The following HERC1 variants were observed in gnomAD, a reference collection of about 807,000 sequenced individuals.
HERC1 encodes HECT and RLD domain containing E3 ubiquitin protein ligase family member 1, also known as probable E3 ubiquitin-protein ligase HERC1.
In HERC1, 160 loss-of-function variants were observed where a neutral mutation model predicts 554.3. That is an observed-to-expected ratio of 0.29 (90% CI 0.25 to 0.33). The LOEUF (loss-of-function observed/expected upper bound fraction) is 0.33, where lower values mean the gene tolerates loss of function less well. HERC1 is among the 10% of genes least tolerant of loss of function. The pLI, the probability that HERC1 is intolerant of heterozygous loss-of-function variation, is 1.00. For synonymous variants in HERC1, 2,175 were observed against 2,131.7 expected, an observed-to-expected ratio of 1.02 and a Z score of -0.56; for missense variants, 4,919 against 5,918.5, an observed-to-expected ratio of 0.83 and a Z score of 5.54.
intron 34 of HERC1, among the ~76,000 whole-genome samples, chr15:63,685,374 C>T (rs557036461): frequency 1.3e-5 from 2 of 152,344 alleles, no homozygotes; most frequent in African/African-American, 4.8e-5. Flanking sequence ...GTTCTGATTA[C>T]AGGTGCCCTA....
At chr15:63,827,698 A>G (rs1001757117) in intron 1 of HERC1, among the ~76,000 whole-genome samples, 6 of 152,348 alleles carry the variant, frequency 3.9e-5, no homozygotes, top group African/African-American at 1.4e-4. Context: ...ACATGAATGT[A>G]CAAAACAGCA....
At chr15:63,760,971 C>G (rs2075592030) in intron 3 of HERC1, among the ~76,000 whole-genome samples, 3 of 151,982 alleles carry the variant, frequency 2.0e-5, no homozygotes, top group Admixed American at 6.6e-5. Context: ...AATCAGATTA[C>G]CTTTGGACTT....
chr15:63,777,341 C>T (rs2076145876), intron 1 of HERC1, among the ~76,000 whole-genome samples: 2 of 152,186 alleles, frequency 1.3e-5, no homozygotes, highest in Non-Finnish European at 2.9e-5. Context: ...GATCCTCCAT[C>T]CCACCCTGAC....
rs1198291384 is a variant in HERC1, at chr15:63,713,407, CCTT to C, written c.4406_4408del (p.Glu1469del). The C allele has an allele frequency of 4.3e-6, 7 of 1,614,014 alleles. No homozygotes were observed. The highest frequency in any genetic ancestry group is 2.2e-5 in the East Asian group (1 of 44,884). On this transcript the variant is annotated inframe_deletion, in exon 23 of 78. Transcript: ENST00000443617. Reference sequence around the variant, plus strand: ...ACTTGTTGAAGGTTGCTGCAACTGTCCTTCTTCTCTTCGCTTCTGAAGCTCATC... The same window carrying C: ...ACTTGTTGAAGGTTGCTGCAACTGTCCTTCTCTTCGCTTCTGAAGCTCATC...
In HERC1 at chr15:63,669,600, A is replaced by C. The variant is rs753297795; in HGVS notation, c.8144T>G (p.Val2715Gly). The C allele has an allele frequency of 6.8e-6, 11 of 1,613,748 alleles. No individual in the cohort carries two copies. The East Asian group carries it at 2.5e-4, about 36-fold the overall frequency. ...AGAAGTTAAACTTTGCCTCCTTCCT[A>C]CTTCATCAGAAGGAGAGGTTGGTAA... ...SSLPTSPSDEVGRRQSLTSPD... is the reference protein window; with the variant it reads ...SSLPTSPSDEGGRRQSLTSPD... Residue 2715 changes from valine to glycine, a missense_variant, in exon 40 of 78, where the codon GTA (valine) becomes GGA (glycine). Val to Gly is a moderately radical substitution (Grantham distance 109). This residue lies in a region of HERC1 where 1,963 missense variants were observed against 2,228.6 expected (regional missense o/e 0.88). Coordinates refer to ENST00000443617, the MANE Select transcript of HERC1 (RefSeq NM_003922.4).
intron 1 of HERC1, among the ~76,000 whole-genome samples, chr15:63,792,859 T>C (rs1229303046): frequency 6.6e-6 from 1 of 152,198 alleles, no homozygotes; most frequent in African/African-American, 2.4e-5. Context: ...CCACTTCTGA[T>C]TCCAATCGCA....
chr15:63,642,852 C>A, intron 59 of HERC1, 105 bp downstream of exon 59: 2 of 709,548 alleles, frequency 2.8e-6, no homozygotes, highest in Non-Finnish European at 5.1e-6. Context: ...GTAGTAATCC[C>A]TCTGGACATC....
chr15:63,754,746 G>C, intron 6 of HERC1, 98 bp from the exon 7 acceptor site: 1 of 1,213,350 alleles, frequency 8.2e-7, no homozygotes, highest in Non-Finnish European at 1.1e-6. Context: ...CTTTAAAATA[G>C]AATTGAGATT....
At chr15:63,621,425 C>G (rs991448697) in intron 74 of HERC1, among the ~76,000 whole-genome samples, 12 of 152,156 alleles carry the variant, frequency 7.9e-5, no homozygotes, top group African/African-American at 2.9e-4. Context: ...CTGCTCTTAA[C>G]ATTTTTTCCT....
rs1394730972 is a variant in HERC1 at position 63,734,182 on chromosome 15, A to G, written c.2646+542T>C. ...ACTCTGTCTCCAAAAAAAGATTTAAAAAGAAAGAAAAGTATCAGTAAATAT... is the reference window on the plus strand; with the variant it reads ...ACTCTGTCTCCAAAAAAAGATTTAAGAAGAAAGAAAAGTATCAGTAAATAT... On this transcript the variant is annotated intron_variant, in intron 13 of 77. Transcript: ENST00000443617. The surrounding 1 kb of genome is among the most constrained non-coding windows in gnomAD (Gnocchi z 4.6). Among the ~76,000 whole-genome samples, 1 of 152,162 alleles carries G rather than the reference A, an allele frequency of 6.6e-6. No individual in the cohort carries two copies. The highest frequency in any genetic ancestry group is 1.9e-4 in the East Asian group (1 of 5,196).
At chr15:63,641,743 C>A in intron 59 of HERC1, 100 bp from the exon 60 acceptor site, 2 of 1,002,634 alleles carry the variant, frequency 2.0e-6, no homozygotes, top group Non-Finnish European at 2.8e-6. Context: ...ACTGGGACAT[C>A]TTTGCTTTTT....
At chr15:63,731,523 T>C (rs946509125) in intron 14 of HERC1, among the ~76,000 whole-genome samples, 2 of 152,332 alleles carry the variant, frequency 1.3e-5, no homozygotes, top group South Asian at 2.1e-4. Context: ...AATGGCTATA[T>C]ACACAATATT....
At chr15:63,617,836 G>T (rs923923789) in intron 74 of HERC1, among the ~76,000 whole-genome samples, 2 of 152,064 alleles carry the variant, frequency 1.3e-5, no homozygotes, top group African/African-American at 4.8e-5. Flanking sequence ...CATATCTTTC[G>T]CCCACTTTTT....
At chr15:63,698,045 T>A (rs2072523275) in intron 26 of HERC1, among the ~76,000 whole-genome samples, 1 of 152,188 alleles carries the variant, frequency 6.6e-6, no homozygotes, top group Admixed American at 6.5e-5. Context: ...ACAGTGGGTC[T>A]TGATTGCAGC....
At chr15:63,649,335 G>C (rs1045105793) in intron 54 of HERC1, among the ~76,000 whole-genome samples, 2 of 151,882 alleles carry the variant, frequency 1.3e-5, no homozygotes, top group Admixed American at 6.6e-5. Flanking sequence ...CCTGGTGACA[G>C]AGCGAGACTC....
At chr15:63,725,231 G>C (rs1171185983) in intron 18 of HERC1, 61 bp downstream of exon 18, 2 of 1,425,670 alleles carry the variant, frequency 1.4e-6, no homozygotes, top group South Asian at 1.2e-5. Context: ...TCAGAATAGA[G>C]AAATCTCCAA....
chr15:63,792,390 T>C (rs967490981), intron 1 of HERC1, among the ~76,000 whole-genome samples: 1 of 152,192 alleles, frequency 6.6e-6, no homozygotes, highest in Non-Finnish European at 1.5e-5. Context: ...CTGGAAGGAA[T>C]ACAAAAAGAA....
At chr15:63,719,267 T>G (rs575005396) in intron 19 of HERC1, among the ~76,000 whole-genome samples, 7 of 152,328 alleles carry the variant, frequency 4.6e-5, no homozygotes, top group African/African-American at 1.4e-4. Context: ...AAGTTTCTGA[T>G]AAGGTTACAT....
At chr15:63,809,909 G>GTTA (rs1298086061) in intron 1 of HERC1, among the ~76,000 whole-genome samples, 2 of 151,964 alleles carry the variant, frequency 1.3e-5, no homozygotes, top group Non-Finnish European at 2.9e-5. Flanking sequence ...CGAACCCCTG[G>GTTA]GTTTAAGCAA....
Sources: gnomAD v4.1 joint callset for allele counts (sites outside exome capture counted in the v4.1 genomes callset) on GRCh38, gnomAD v4.1.1 for gene constraint, gnomAD v4.1.1 regional missense constraint, Gnocchi (gnomAD v3.1) non-coding constraint, MANE v1.5 for transcripts, NCBI Gene and HGNC (gene_info 2026-07-23, HGNC 2026-07-21) for gene names.